Variants in NDUFAF2 observed in about 807,000 individuals in gnomAD.
NDUFAF2 encodes the protein NADH:ubiquinone oxidoreductase complex assembly factor 2, also known as NADH dehydrogenase [ubiquinone] 1 alpha subcomplex assembly factor 2.
A neutral mutation model predicts 22.8 loss-of-function variants in NDUFAF2; 13 were observed. That is an observed-to-expected ratio of 0.57 (90% confidence interval 0.37 to 0.91). The LOEUF is 0.91. Ranked by LOEUF, NDUFAF2 falls within the 40% of genes least tolerant of loss-of-function variation. The pLI is 0.01. For synonymous variants in NDUFAF2, 53 were observed against 64.2 expected, an observed-to-expected ratio of 0.83 and a Z score of 0.84; for missense variants, 162 against 195.2, an observed-to-expected ratio of 0.83 and a Z score of 1.01.
At chr5:61,118,663 T>C (rs989498732) in intron 3 of NDUFAF2, among the ~76,000 whole-genome samples, 2 of 152,164 alleles carry the variant, frequency 1.3e-5, no homozygotes, top group Non-Finnish European at 2.9e-5. Flanking sequence ...GCATTCAGTA[T>C]ACAATAAGCT....
chr5:60,972,162 C>G (rs1423033964), intron 1 of NDUFAF2, among the ~76,000 whole-genome samples: 2 of 151,734 alleles, frequency 1.3e-5, no homozygotes, highest in African/African-American at 4.8e-5. Context: ...AGGCTGGTTT[C>G]AAACTCCTGA....
intron 1 of NDUFAF2, among the ~76,000 whole-genome samples, chr5:60,966,483 A>C (rs752434775): frequency 6.6e-6 from 1 of 152,148 alleles, no homozygotes; most frequent in Non-Finnish European, 1.5e-5. Flanking sequence ...CTAGTTTTAC[A>C]GTACAAGTCC....
At chr5:60,960,880 C>T (rs1190493378) in intron 1 of NDUFAF2, among the ~76,000 whole-genome samples, 1 of 151,800 alleles carries the variant, frequency 6.6e-6, no homozygotes, top group Non-Finnish European at 1.5e-5. Context: ...CTTTTTTTCC[C>T]CTCAGCTGAA....
intron 1 of NDUFAF2, among the ~76,000 whole-genome samples, chr5:61,067,174 T>C (rs1752238528): frequency 6.6e-6 from 1 of 152,152 alleles, no homozygotes; most frequent in Non-Finnish European, 1.5e-5. Flanking sequence ...TTTTAATTAT[T>C]ATGCTTTAAG....
intron 1 of NDUFAF2, among the ~76,000 whole-genome samples, chr5:61,040,280 ACACACAC>A (rs1561548570): frequency 4.0e-4 from 46 of 114,702 alleles, no homozygotes; most frequent in African/African-American, 1.3e-3. Context: ...ACACACACAC[ACACACAC>A]GCGCGCGCGC....
At chr5:61,080,333 A>G (rs1363381237) in intron 2 of NDUFAF2, among the ~76,000 whole-genome samples, 1 of 152,222 alleles carries the variant, frequency 6.6e-6, no homozygotes, top group Non-Finnish European at 1.5e-5. Context: ...TATTTTAAGT[A>G]TAGATTTGAT....
chr5:60,972,789 G>GTTTTTTTTTTTTTTT (rs1750853094), intron 1 of NDUFAF2, among the ~76,000 whole-genome samples: 1 of 128,648 alleles, frequency 7.8e-6, no homozygotes, highest in African/African-American at 2.9e-5. Context: ...TTTTTTTTTG[G>GTTTTTTTTTTTTTTT]TTTTCTTTTT....
chr5:61,039,980 C>G (rs1751850600), intron 1 of NDUFAF2, among the ~76,000 whole-genome samples: 1 of 152,040 alleles, frequency 6.6e-6, no homozygotes, highest in Non-Finnish European at 1.5e-5. Context: ...GAAATGAAGA[C>G]TTTAAAACCT....
intron 1 of NDUFAF2, among the ~76,000 whole-genome samples, chr5:61,008,857 G>A (rs1426340801): frequency 6.6e-6 from 1 of 152,042 alleles, no homozygotes; most frequent in African/African-American, 2.4e-5. Flanking sequence ...TGAAGGATGA[G>A]GTTTGCTTTT....
chr5:61,057,431 A>G (rs1752113317), intron 1 of NDUFAF2, among the ~76,000 whole-genome samples: 1 of 152,186 alleles, frequency 6.6e-6, no homozygotes, highest in South Asian at 2.1e-4. Flanking sequence ...AAGTAAATGT[A>G]TGGTGGTCTT....
chr5:61,149,461 C>A (rs1478195824), intron 3 of NDUFAF2, among the ~76,000 whole-genome samples: 1 of 151,794 alleles, frequency 6.6e-6, no homozygotes, highest in Non-Finnish European at 1.5e-5. Flanking sequence ...CAAAGAATTA[C>A]CCATGTGGAT....
intron 1 of NDUFAF2, among the ~76,000 whole-genome samples, chr5:60,986,168 A>G (rs898582367): frequency 1.3e-5 from 2 of 152,232 alleles, no homozygotes; most frequent in South Asian, 2.1e-4. Context: ...GAAGGAAATC[A>G]GTATATCAAA....
At chr5:60,987,036 A>G (rs1041695300) in intron 1 of NDUFAF2, among the ~76,000 whole-genome samples, 7 of 151,618 alleles carry the variant, frequency 4.6e-5, no homozygotes, top group African/African-American at 1.7e-4. Flanking sequence ...ACTGTTAAGT[A>G]CACAAAGAAG....
At chr5:60,957,571 C>T (rs1362572222) in intron 1 of NDUFAF2, among the ~76,000 whole-genome samples, 1 of 151,464 alleles carries the variant, frequency 6.6e-6, no homozygotes, top group African/African-American at 2.4e-5. Context: ...TCTTCTGATT[C>T]CTGATTACCC....
intron 3 of NDUFAF2, among the ~76,000 whole-genome samples, chr5:61,139,175 C>T (rs1741012096): frequency 6.6e-6 from 1 of 152,172 alleles, no homozygotes; most frequent in Non-Finnish European, 1.5e-5. Flanking sequence ...CTTAAACCTG[C>T]TCAGGACACT....
At chr5:60,977,278 C>T (rs2112576302) in intron 1 of NDUFAF2, among the ~76,000 whole-genome samples, 1 of 151,696 alleles carries the variant, frequency 6.6e-6, no homozygotes, top group South Asian at 2.1e-4. Flanking sequence ...AAATACAAAA[C>T]ATTAGCTGGG....
intron 2 of NDUFAF2, among the ~76,000 whole-genome samples, chr5:61,090,262 A>C (rs78590697): frequency 0.015 from 2,243 of 152,150 alleles, 59 homozygotes; most frequent in African/African-American, 0.051. Context: ...TAAATATTTT[A>C]GGTTTTTTAT....
chr5:61,123,276 G>T (rs191386322), intron 3 of NDUFAF2, among the ~76,000 whole-genome samples: 1 of 152,246 alleles, frequency 6.6e-6, no homozygotes, highest in Admixed American at 6.5e-5. Context: ...GTACAGTCAT[G>T]TGTCACTTGA....
At chr5:60,989,687 A>G (rs1018582989) in intron 1 of NDUFAF2, among the ~76,000 whole-genome samples, 8 of 152,174 alleles carry the variant, frequency 5.3e-5, no homozygotes, top group African/African-American at 1.9e-4. Context: ...TATGAGTGGG[A>G]GCTAAGTAAC....
Sources: gnomAD v4.1 joint callset for allele counts (sites outside exome capture counted in the v4.1 genomes callset) on GRCh38, gnomAD v4.1.1 for gene constraint, MANE v1.5 for transcripts, NCBI Gene and HGNC (gene_info 2026-07-23, HGNC 2026-07-21) for gene names.